PLXNA4: variants seen among roughly 807,000 people sequenced by gnomAD.
PLXNA4 encodes plexin-A4.
Under a neutral mutation model 191.8 loss-of-function variants are expected in PLXNA4, and 44 were observed. That is an observed-to-expected ratio of 0.23 (90% CI 0.18 to 0.29). PLXNA4 has a LOEUF of 0.29. PLXNA4 is among the 10% of genes least tolerant of loss of function. The pLI is 1.00. For synonymous variants in PLXNA4, 1,082 were observed against 1,009.5 expected (o/e 1.07, Z -1.36); for missense variants, 1,800 against 2,488.8 (o/e 0.72, Z 5.89).
intron 20 of PLXNA4, among the ~76,000 whole-genome samples, chr7:132,178,707 T>TACACACACACACACACAC (rs1366959944): frequency 4.4e-5 from 3 of 68,532 alleles, no homozygotes; most frequent in African/African-American, 3.4e-4. Flanking sequence ...CACATACACA[T>TACACACACACACACACAC]ACACATACAC....
chr7:132,495,458 G>A (rs1797974773), intron 2 of PLXNA4, among the ~76,000 whole-genome samples: 1 of 152,146 alleles, frequency 6.6e-6, no homozygotes, highest in Non-Finnish European at 1.5e-5. Context: ...CAGACCAGGT[G>A]ACCAGCAGGG....
chr7:132,246,787 AT>A (rs1267856531), intron 4 of PLXNA4, among the ~76,000 whole-genome samples: 2 of 151,380 alleles, frequency 1.3e-5, no homozygotes, highest in Middle Eastern at 3.4e-3. Flanking sequence ...CATCATCATC[AT>A]CATCATCATC....
chr7:132,228,061 C>G (rs938883163), intron 6 of PLXNA4, among the ~76,000 whole-genome samples: 5 of 152,166 alleles, frequency 3.3e-5, no homozygotes, highest in Non-Finnish European at 7.3e-5. Flanking sequence ...TTCCCAACAC[C>G]CTTTGTCATT....
intron 5 of PLXNA4, among the ~76,000 whole-genome samples, chr7:132,232,927 T>A (rs1040495999): frequency 2.6e-5 from 4 of 152,208 alleles, no homozygotes; most frequent in Non-Finnish European, 4.4e-5. Flanking sequence ...TTGGAGGGGC[T>A]GTTGCTGATC....
rs557581532 is a variant in PLXNA4, at chr7:132,514,400, G to A, written c.-86-5621C>T. ...ATATAGCAAACTACATATTGAATGT[G>A]ATGTAAATATGTGTGATGTAACTGG... On this transcript the variant is annotated intron_variant, in intron 1 of 31. Transcript: ENST00000321063. Among the ~76,000 whole-genome samples, 8 of 152,236 alleles carry A rather than the reference G, an allele frequency of 5.3e-5. No homozygotes were observed. In the East Asian group the frequency reaches 1.5e-3, roughly 29 times the overall value.
intron 1 of PLXNA4, among the ~76,000 whole-genome samples, chr7:132,648,334 T>A (rs1349906996): frequency 3.9e-5 from 6 of 152,192 alleles, no homozygotes; most frequent in Non-Finnish European, 8.8e-5. Context: ...TTTCCAACTC[T>A]TACCAATTTT....
chr7:132,292,010 G>C (rs896718536), intron 4 of PLXNA4, among the ~76,000 whole-genome samples: 3 of 152,114 alleles, frequency 2.0e-5, no homozygotes, highest in African/African-American at 7.2e-5. Context: ...GGCCAGGCTG[G>C]TCTCGAACTC....
Position 132,128,884 on chromosome 7 carries a change from C to T in PLXNA4, c.*1595G>A, listed in dbSNP as rs1794851027. 6.6e-6 allele frequency: 1 copy of T among 152,254 alleles called. No homozygotes were observed. Among genetic ancestry groups the T allele is most frequent in the Non-Finnish European group, 1.5e-5 (1 of 68,060 alleles). 9.4% of individuals were successfully genotyped at this position (152,254 alleles called of 1,614,324 possible). A position where few individuals can be genotyped will look rare whatever the true frequency, so the allele number is the denominator to read the frequency against. On this transcript the variant is annotated 3_prime_UTR_variant, in exon 32 of 32. Coordinates refer to ENST00000321063, the MANE Select transcript of PLXNA4 (RefSeq NM_020911.2). The stretch of plus-strand genomic sequence containing the variant: ...AACAACTCCAGAGCAGAGGTGCCAA[C>T]AGAGACTCCTGCTTAGGATGGGAGA...
intron 28 of PLXNA4, chr7:132,145,507 A>T (rs1776544580): frequency 1.5e-5 from 9 of 603,400 alleles, no homozygotes; most frequent in Non-Finnish European, 1.9e-5. Context: ...TATAACACTG[A>T]TGACTGGACC....
intron 3 of PLXNA4, among the ~76,000 whole-genome samples, chr7:132,399,810 G>T (rs1585083744): frequency 6.6e-6 from 1 of 152,166 alleles, no homozygotes; most frequent in African/African-American, 2.4e-5. Context: ...TTCCATTTCT[G>T]TTTGGAGTGT....
chr7:132,612,930 CG>C (rs1405125849), intron 2 of PLXNA4, among the ~76,000 whole-genome samples: 1 of 151,722 alleles, frequency 6.6e-6, no homozygotes, highest in African/African-American at 2.4e-5. Context: ...ACATGATCTT[CG>C]TAAGAATATA....
intron 1 of PLXNA4, among the ~76,000 whole-genome samples, chr7:132,562,929 TC>T (rs1563175025): frequency 1.2e-4 from 2 of 16,262 alleles, no homozygotes; most frequent in African/African-American, 2.7e-4. Flanking sequence ...CCTCCTCCTC[TC>T]CCTCCTCCTC....
chr7:132,318,741 T>A (rs1299036757), intron 3 of PLXNA4, among the ~76,000 whole-genome samples: 1 of 146,184 alleles, frequency 6.8e-6, no homozygotes, highest in African/African-American at 2.5e-5. Context: ...ATCGAACCCA[T>A]CTGTAGTTGT....
chr7:132,278,929 A>G (rs1230723974), intron 4 of PLXNA4, among the ~76,000 whole-genome samples: 2 of 152,166 alleles, frequency 1.3e-5, no homozygotes, highest in Non-Finnish European at 2.9e-5. Context: ...TCAGGGCTTC[A>G]GGCAAGGAGA....
intron 3 of PLXNA4, among the ~76,000 whole-genome samples, chr7:132,326,408 T>A (rs922328414): frequency 1.3e-5 from 2 of 152,194 alleles, no homozygotes; most frequent in Non-Finnish European, 2.9e-5. Flanking sequence ...TTTGGTAGAA[T>A]CCATGTGGAA....
At chr7:132,593,281 C>A (rs1182554869) in intron 2 of PLXNA4, among the ~76,000 whole-genome samples, 1 of 150,994 alleles carries the variant, frequency 6.6e-6, no homozygotes, top group African/African-American at 2.4e-5. Context: ...TAGTCACACC[C>A]TCAGAGAACA....
intron 3 of PLXNA4, among the ~76,000 whole-genome samples, chr7:132,321,086 G>A (rs1386099927): frequency 2.0e-5 from 3 of 152,028 alleles, no homozygotes; most frequent in Admixed American, 6.5e-5. Flanking sequence ...CACACTCACC[G>A]GCCAGCTTCC....
rs1030100819 is a variant in PLXNA4 at position 132,224,874 on chromosome 7, C to T, written c.1983-1233G>A. Among the ~76,000 whole-genome samples the T allele has an allele frequency of 2.0e-5, 3 of 152,180 alleles. No homozygotes were observed. In the South Asian group the frequency reaches 6.2e-4, roughly 31 times the overall value. Reference sequence around the variant, plus strand: ...CAATAGACCCTAAAATTCCACCAGCCTAGATCTCTGGTCATGTCAGCTACC... The same window carrying T: ...CAATAGACCCTAAAATTCCACCAGCTTAGATCTCTGGTCATGTCAGCTACC... On this transcript the variant is annotated intron_variant, in intron 8 of 31. Coordinates refer to ENST00000321063, the MANE Select transcript of PLXNA4 (RefSeq NM_020911.2).
chr7:132,586,870 C>T (rs1374374351), intron 2 of PLXNA4, among the ~76,000 whole-genome samples: 1 of 152,180 alleles, frequency 6.6e-6, no homozygotes, highest in Non-Finnish European at 1.5e-5. Flanking sequence ...GTCAAGGCTG[C>T]AGTGAGCCAT....
Sources: gnomAD v4.1 joint callset for allele counts (sites outside exome capture counted in the v4.1 genomes callset) on GRCh38, gnomAD v4.1.1 for gene constraint, MANE v1.5 for transcripts, NCBI Gene and HGNC (gene_info 2026-07-23, HGNC 2026-07-21) for gene names.